The following PTPRZ1 variants were observed in gnomAD, a reference collection of about 807,000 sequenced individuals.
PTPRZ1 encodes receptor-type tyrosine-protein phosphatase zeta.
In PTPRZ1, 82 loss-of-function variants were observed where a neutral mutation model predicts 214.1. The ratio of observed to expected loss-of-function variants is 0.38; its 90% CI spans 0.32 to 0.46. The LOEUF (loss-of-function observed/expected upper bound fraction) is 0.46. Ranked by LOEUF, PTPRZ1 falls within the 20% of genes least tolerant of loss-of-function variation. The probability of loss-of-function intolerance (pLI) is 1.00; values close to 1 mark genes in which losing one functional copy is unlikely to be tolerated. For synonymous variants in PTPRZ1, 945 were observed against 987.9 expected (o/e 0.96, Z 0.81); for missense variants, 2,603 against 2,748.7 (o/e 0.95, Z 1.19).
At chr7:121,888,290 A>G (rs1353968125) in intron 1 of PTPRZ1, among the ~76,000 whole-genome samples, 1 of 151,920 alleles carries the variant, frequency 6.6e-6, no homozygotes, top group East Asian at 1.9e-4. Context: ...TTTAGAGTAT[A>G]GATGAAGACT....
At chr7:121,944,068 T>C (rs928475331) in intron 2 of PTPRZ1, among the ~76,000 whole-genome samples, 28 of 152,254 alleles carry the variant, frequency 1.8e-4, no homozygotes, top group Middle Eastern at 3.4e-3. Flanking sequence ...TCAATAGAGA[T>C]GAGTTAAGTT....
In PTPRZ1 at chr7:121,996,516, G is replaced by A. The variant is rs1395012533; in HGVS notation, c.1063G>A (p.Gly355Arg). 6.4e-7 allele frequency: 1 copy of A among 1,568,956 alleles called. No homozygotes were observed. The highest frequency in any genetic ancestry group is 2.4e-5 in the East Asian group (1 of 42,070). Reference protein sequence around the residue: ...KFAVLYQQLDGEDQTKHEFLT... With the variant: ...KFAVLYQQLDREDQTKHEFLT... ...TGCAGTTTTGTACCAGCAGTTGGAT[G>A]GAGAGGACCAAACCAAGCATGAATT... Residue 355 changes from glycine to arginine, a missense_variant, in exon 9 of 30, where the codon GGA becomes AGA. Coordinates refer to ENST00000393386, the MANE Select transcript of PTPRZ1 (RefSeq NM_002851.3).
intron 25 of PTPRZ1, among the ~76,000 whole-genome samples, chr7:122,052,167 A>AACAC (rs1420293357): frequency 2.0e-5 from 3 of 152,202 alleles, no homozygotes; most frequent in Admixed American, 2.0e-4. Context: ...CAGATGCAGG[A>AACAC]ACACAAACTC....
chr7:122,011,266 G>T lies in PTPRZ1; in HGVS notation c.2220G>T (p.Thr740=). Residue 740 remains threonine (T), a synonymous_variant, in exon 12 of 30, where the codon ACG becomes ACT. Coordinates refer to ENST00000393386, the MANE Select transcript of PTPRZ1 (RefSeq NM_002851.3). ...CCAGACAACAGGATTTGGTCTCCAC[G>T]GTCAACGTGGTATACTCGCAGACAA... ...PSSRQQDLVS[T]VNVVYSQTTQ... 1 of 1,613,832 alleles carries T rather than the reference G, an allele frequency of 6.2e-7. No homozygotes were observed. The highest frequency in any genetic ancestry group is 1.7e-5 in the Admixed American group (1 of 60,006).
chr7:121,916,272 CAA>C (rs59701928), intron 1 of PTPRZ1, among the ~76,000 whole-genome samples: 18 of 109,692 alleles, frequency 1.6e-4, no homozygotes, highest in East Asian at 2.5e-4. Flanking sequence ...GACTCCATCT[CAA>C]AAAAAAAAAA....
intron 1 of PTPRZ1, among the ~76,000 whole-genome samples, chr7:121,913,653 A>G (rs1460222205): frequency 1.3e-5 from 2 of 152,224 alleles, no homozygotes; most frequent in Non-Finnish European, 2.9e-5. Context: ...GAGACGGTCC[A>G]CAATATGGAA....
In PTPRZ1 at chr7:121,978,305, C is replaced by CCT. The variant is rs756342521; in HGVS notation, c.619+1463_619+1464dup. ...GAGGACGGATTCTAGTCCTTTACCC[C>CCT]CTCTCTCTCTGTCTCTCTACCTCAC... On this transcript the variant is annotated intron_variant, in intron 6 of 29. Transcript: ENST00000393386. Among the ~76,000 whole-genome samples, 5 of 152,188 alleles carry CCT rather than the reference C, an allele frequency of 3.3e-5. No individual in the cohort carries two copies. The East Asian group carries it at 5.8e-4, about 18-fold the overall frequency.
At chr7:121,935,393 C>T (rs1429623728) in intron 2 of PTPRZ1, among the ~76,000 whole-genome samples, 2 of 152,062 alleles carry the variant, frequency 1.3e-5, no homozygotes, top group African/African-American at 4.8e-5. Context: ...GGAAACTTGG[C>T]CCCTTCTTCT....
chr7:121,937,702 C>T (rs1296923259), intron 2 of PTPRZ1, among the ~76,000 whole-genome samples: 1 of 152,172 alleles, frequency 6.6e-6, no homozygotes, highest in Non-Finnish European at 1.5e-5. Flanking sequence ...GATTCTGGTC[C>T]ATGCAAGCTA....
intron 2 of PTPRZ1, among the ~76,000 whole-genome samples, chr7:121,956,341 T>C (rs1162847589): frequency 6.6e-6 from 1 of 152,104 alleles, no homozygotes; most frequent in Non-Finnish European, 1.5e-5. Context: ...GGGCAGACAA[T>C]TATTAACAGT....
chr7:121,885,489 A>C (rs1395688837), intron 1 of PTPRZ1, among the ~76,000 whole-genome samples: 1 of 152,136 alleles, frequency 6.6e-6, no homozygotes, highest in African/African-American at 2.4e-5. Context: ...AAATCCTTTA[A>C]ATTACAGCAC....
chr7:121,978,852 G>C (rs995381506), intron 6 of PTPRZ1, among the ~76,000 whole-genome samples: 1 of 151,998 alleles, frequency 6.6e-6, no homozygotes, highest in Non-Finnish European at 1.5e-5. Flanking sequence ...AAAGTCAAAC[G>C]TTTCCATTTT....
In PTPRZ1 at chr7:122,055,080, C is replaced by A; in HGVS notation, c.6521C>A (p.Ala2174Asp). The A allele has an allele frequency of 6.4e-7, 1 of 1,573,420 alleles. No individual in the cohort carries two copies. The highest frequency in any genetic ancestry group is 8.7e-7 in the Non-Finnish European group (1 of 1,152,794). The change falls in exon 27 of 30, where the codon GCT becomes GAT. Residue 2174 changes from alanine (A) to aspartate (D), a missense_variant. By Grantham distance (126) the Ala-to-Asp change is moderately radical (BLOSUM62 -2). This residue lies in a region of PTPRZ1 where 134 missense variants were observed against 183.3 expected (regional missense o/e 0.73). Transcript: ENST00000393386. Reference sequence around the variant, plus strand: ...ATAATTCAGGACTTTATCTTAGAAGCTACACAGGTAAGGATATAAGTTAAA... The same window carrying A: ...ATAATTCAGGACTTTATCTTAGAAGATACACAGGTAAGGATATAAGTTAAA... Reference protein sequence around the residue: ...KLIIQDFILEATQDDYVLEVR... With the variant: ...KLIIQDFILEDTQDDYVLEVR...
chr7:122,026,312 A>G (rs976253031), intron 13 of PTPRZ1, among the ~76,000 whole-genome samples: 14 of 152,182 alleles, frequency 9.2e-5, no homozygotes, highest in African/African-American at 3.4e-4. Context: ...GCATTTTACA[A>G]CGTTAAGATT....
chr7:122,013,066 C>G lies in PTPRZ1; in HGVS notation c.4020C>G (p.Thr1340=). 4 of 1,613,380 alleles carry G rather than the reference C, an allele frequency of 2.5e-6. No homozygotes were observed. The highest frequency in any genetic ancestry group is 1.1e-5 in the South Asian group (1 of 91,052). ...ATTCCGATGAAATTTTAACCTCCAC[C>G]AAAAGTTCTGTTACTGGTAAGGTAT... ...LIHSDEILTS[T]KSSVTGKVFA... is the part of the protein sequence containing the mutation. The change falls in exon 12 of 30, where the codon ACC becomes ACG. Residue 1340 remains threonine, a synonymous_variant. Transcript: ENST00000393386.
intron 13 of PTPRZ1, among the ~76,000 whole-genome samples, chr7:122,025,001 G>A (rs117560906): frequency 0.015 from 2,287 of 152,218 alleles, 24 homozygotes; most frequent in Non-Finnish European, 0.024. Flanking sequence ...AGGTAGGTAA[G>A]GGAATCCAGG....
intron 26 of PTPRZ1, 145 bp from the exon 27 acceptor site, chr7:122,054,796 G>C: frequency 1.3e-6 from 1 of 764,016 alleles, no homozygotes; most frequent in South Asian, 2.3e-5. Context: ...TTGAAGGCAC[G>C]AGAAAGATGT....
intron 6 of PTPRZ1, among the ~76,000 whole-genome samples, chr7:121,981,074 C>T (rs1214616728): frequency 4.6e-5 from 7 of 150,546 alleles, no homozygotes; most frequent in Non-Finnish European, 7.4e-5. Flanking sequence ...CCCTGGGGGG[C>T]GGAGCCTGCA....
intron 2 of PTPRZ1, among the ~76,000 whole-genome samples, chr7:121,940,809 A>G (rs1451274062): frequency 6.6e-6 from 1 of 151,888 alleles, no homozygotes; most frequent in African/African-American, 2.4e-5. Flanking sequence ...GCCAAATGAA[A>G]AAAAAAAAAG....
Sources: allele counts gnomAD v4.1 joint callset (sites outside exome capture counted in the v4.1 genomes callset), GRCh38; gene constraint gnomAD v4.1.1; regional missense constraint gnomAD v4.1.1; transcripts MANE v1.5; gene names NCBI Gene and HGNC (gene_info 2026-07-23, HGNC 2026-07-21).